CYP4B1: variants seen among roughly 807,000 people sequenced by gnomAD.
The protein encoded by CYP4B1 is cytochrome P450 4B1.
Under a neutral mutation model 54.0 loss-of-function variants are expected in CYP4B1, and 45 were observed. That is an observed-to-expected ratio of 0.83 (90% CI 0.66 to 1.07). CYP4B1 has a LOEUF of 1.07. CYP4B1 is among the 50% of genes least tolerant of loss of function. CYP4B1 has a pLI of 0.00. For synonymous variants in CYP4B1, 248 were observed against 247.5 expected (o/e 1.00, Z -0.02); for missense variants, 656 against 655.4 (o/e 1.00, Z -0.01).
rs1188137961 is a variant in CYP4B1 at position 46,814,308 on chromosome 1, G to A, written c.875G>A (p.Gly292Asp). ...RHLDFLDILL[G>D]ARDEDDIKLS... ...CTGGACTTCCTGGACATTCTCCTGG[G>A]TGCCCGGGTGAGTACATTGTTGCCC... Residue 292 changes from glycine to aspartate, a missense_variant, in exon 7 of 12, where the codon GGT becomes GAT. Transcript: ENST00000371923. The A allele has an allele frequency of 6.2e-7, 1 of 1,612,772 alleles. No homozygotes were observed. The highest frequency in any genetic ancestry group is 8.5e-7 in the Non-Finnish European group (1 of 1,179,350).
At chr1:46,815,336 C>A in intron 8 of CYP4B1, 72 bp downstream of exon 8, 1 of 1,377,652 alleles carries the variant, frequency 7.3e-7, no homozygotes, top group South Asian at 1.5e-5. Flanking sequence ...TGTCCTGAAC[C>A]ATCCTGGAAA....
intron 1 of CYP4B1, among the ~76,000 whole-genome samples, chr1:46,803,145 T>C (rs2148395994): frequency 6.6e-6 from 1 of 152,126 alleles, no homozygotes; most frequent in Middle Eastern, 3.4e-3. Context: ...TGGGGAATGA[T>C]GGAAGGAATT....
chr1:46,816,849 G>A (rs993409459), intron 8 of CYP4B1, among the ~76,000 whole-genome samples, 199 bp from the exon 9 acceptor site: 1 of 152,150 alleles, frequency 6.6e-6, no homozygotes, highest in African/African-American at 2.4e-5. Flanking sequence ...AAGGGATGGA[G>A]AAAAGTGGAA....
chr1:46,799,736 T>C (rs1678535957), intron 1 of CYP4B1, among the ~76,000 whole-genome samples: 2 of 152,074 alleles, frequency 1.3e-5, no homozygotes, highest in African/African-American at 4.8e-5. Context: ...CCTCACCGAG[T>C]GTCTAAGCGG....
chr1:46,816,294 T>A (rs892967757), intron 8 of CYP4B1, among the ~76,000 whole-genome samples: 2 of 152,108 alleles, frequency 1.3e-5, no homozygotes, highest in South Asian at 2.1e-4. Flanking sequence ...TTGAACTGAC[T>A]TTCTAAGGAG....
In CYP4B1 at chr1:46,799,147, G is replaced by T; in HGVS notation, c.66G>T (p.Leu22Phe). The stretch of plus-strand genomic sequence containing the variant: ...GCCTGTGGGCTTCTGGGCTGATCTT[G>T]GTCTTAGGCTTTCTCAAGCTCATCC... ...SLGLWASGLI[L>F]VLGFLKLIHL... is the part of the protein sequence containing the mutation. The change falls in exon 1 of 12, where the codon TTG (leucine) becomes TTT (phenylalanine). Residue 22 changes from leucine (L) to phenylalanine (F), a missense_variant. Leu to Phe is a conservative substitution (Grantham distance 22). Coordinates refer to ENST00000371923, the MANE Select transcript of CYP4B1 (RefSeq NM_001099772.2). The T allele has an allele frequency of 6.2e-7, 1 of 1,613,842 alleles. No individual in the cohort carries two copies. The highest frequency in any genetic ancestry group is 8.5e-7 in the Non-Finnish European group (1 of 1,179,918).
At chr1:46,813,754 TG>T in intron 5 of CYP4B1, 148 bp downstream of exon 5, 1 of 1,419,086 alleles carries the variant, frequency 7.0e-7, no homozygotes. Flanking sequence ...CTGCTCATGG[TG>T]GGGTAAACAC....
rs901675331 is a variant in CYP4B1 at position 46,819,039 on chromosome 1, A to C, written c.*225A>C. On this transcript the variant is annotated 3_prime_UTR_variant, in exon 12 of 12. Transcript: ENST00000371923. ...TATTCTAGAGCTCATTCATTTATTC[A>C]ACAAACATTTGGTGAGCACCTATTT... 6.8e-6 allele frequency: 3 copies of C among 440,192 alleles called. No individual in the cohort carries two copies. The highest frequency in any genetic ancestry group is 1.2e-5 in the Non-Finnish European group (3 of 250,598). 27.3% of individuals were successfully genotyped at this position (440,192 alleles called of 1,614,324 possible).
At chr1:46,800,159 TC>T (rs1356057608) in intron 1 of CYP4B1, among the ~76,000 whole-genome samples, 2 of 139,736 alleles carry the variant, frequency 1.4e-5, no homozygotes, top group African/African-American at 5.1e-5. Context: ...TCCCTTTCTT[TC>T]TTTCTTTTTT....
intron 9 of CYP4B1, 159 bp downstream of exon 9, chr1:46,817,340 T>G: frequency 5.4e-6 from 4 of 740,670 alleles, no homozygotes; most frequent in Non-Finnish European, 8.7e-6. Context: ...TATTGATCAA[T>G]TCTTCTACCT....
intron 1 of CYP4B1, among the ~76,000 whole-genome samples, chr1:46,802,806 C>T (rs1336482410): frequency 6.6e-6 from 1 of 152,090 alleles, no homozygotes; most frequent in Non-Finnish European, 1.5e-5. Context: ...AGAGAAGGGC[C>T]CCTCTCGGCG....
chr1:46,818,589 G>T (rs1679430864), intron 11 of CYP4B1, 42 bp from the exon 12 acceptor site: 1 of 1,591,704 alleles, frequency 6.3e-7, no homozygotes, highest in Admixed American at 1.7e-5. Flanking sequence ...CATCACTCTG[G>T]ATGCTCCATT....
chr1:46,816,712 A>G (rs1376878854), intron 8 of CYP4B1, among the ~76,000 whole-genome samples: 4 of 152,174 alleles, frequency 2.6e-5, no homozygotes, highest in Non-Finnish European at 5.9e-5. Context: ...GCTGAAACCT[A>G]AAGAACTGTC....
At chr1:46,808,450 G>C (rs1376308527) in intron 1 of CYP4B1, among the ~76,000 whole-genome samples, 4 of 151,556 alleles carry the variant, frequency 2.6e-5, no homozygotes, top group African/African-American at 9.7e-5. Context: ...CTTCTTTTGA[G>C]AAGTGTCTGT....
intron 4 of CYP4B1, among the ~76,000 whole-genome samples, chr1:46,812,863 C>T (rs999444050): frequency 6.6e-6 from 1 of 152,170 alleles, no homozygotes; most frequent in Non-Finnish European, 1.5e-5. Flanking sequence ...TTGTCTCCAC[C>T]AGGAGACCCA....
At chr1:46,812,338 G>C in intron 3 of CYP4B1, 158 bp from the exon 4 acceptor site, 1 of 805,182 alleles carries the variant, frequency 1.2e-6, no homozygotes, top group Non-Finnish European at 2.1e-6. Context: ...CTGAGGTCCT[G>C]GTAGCCTAGG....
chr1:46,817,448 C>T (rs968753109), intron 9 of CYP4B1: 11 of 511,144 alleles, frequency 2.2e-5, no homozygotes, highest in Non-Finnish European at 3.9e-5. Flanking sequence ...CCAAGGCTGC[C>T]ATGTACCACC....
intron 2 of CYP4B1, 67 bp from the exon 3 acceptor site, chr1:46,811,073 C>T (rs1338561032): frequency 1.2e-6 from 2 of 1,603,954 alleles, no homozygotes; most frequent in East Asian, 4.5e-5. Flanking sequence ...GGTTCCCACC[C>T]TACTCATAAA....
Position 46,814,486 on chromosome 1 carries a change from T to G in CYP4B1, c.882+171T>G, listed in dbSNP as rs571442654. Reference sequence around the variant, plus strand: ...GCAGGGGTTCAGAGGTGGGCAGGTGTAGGGTGTGTGTGCCTGAGCTGTGGA... The same window carrying G: ...GCAGGGGTTCAGAGGTGGGCAGGTGGAGGGTGTGTGTGCCTGAGCTGTGGA... On this transcript the variant is annotated intron_variant, in intron 7 of 11. Coordinates refer to ENST00000371923, the MANE Select transcript of CYP4B1 (RefSeq NM_001099772.2). 3.9e-5 allele frequency among the ~76,000 whole-genome samples: 6 copies of G among 152,176 alleles called. No homozygotes were observed. The East Asian group carries it at 1.2e-3, about 29-fold the overall frequency.
Sources: allele counts gnomAD v4.1 joint callset (sites outside exome capture counted in the v4.1 genomes callset), GRCh38; gene constraint gnomAD v4.1.1; transcripts MANE v1.5; gene names NCBI Gene and HGNC (gene_info 2026-07-23, HGNC 2026-07-21).